Variants in ZHX3 observed in about 807,000 individuals in gnomAD.
ZHX3 encodes the protein zinc fingers and homeoboxes 3.
In ZHX3, 20 loss-of-function variants were observed where a neutral mutation model predicts 64.5. The observed-to-expected ratio is 0.31, with a 90% confidence interval of 0.22 to 0.45. The LOEUF (loss-of-function observed/expected upper bound fraction) is 0.45, where lower values mean the gene tolerates loss of function less well. ZHX3 is among the 20% of genes least tolerant of loss of function. The probability of loss-of-function intolerance (pLI) is 1.00; values close to 1 mark genes in which losing one functional copy is unlikely to be tolerated. For synonymous variants in ZHX3, 423 were observed against 461.6 expected (o/e 0.92, Z 1.07); for missense variants, 1,041 against 1,195.8 (o/e 0.87, Z 1.91).
At chr20:41,299,336 T>G (rs2044698472) in intron 1 of ZHX3, among the ~76,000 whole-genome samples, 13 of 152,170 alleles carry the variant, frequency 8.5e-5, no homozygotes, top group Admixed American at 8.5e-4. Flanking sequence ...TGATTTTGAG[T>G]AATTATGCTA....
At position 41,228,038 on chromosome 20, in the gene ZHX3, C is replaced by A. The variant is rs943562899; in HGVS notation, c.-150-22972G>T. Among the ~76,000 whole-genome samples the A allele has an allele frequency of 4.6e-5, 7 of 152,126 alleles. No individual in the cohort carries two copies. The highest frequency in any genetic ancestry group is 1.7e-4 in the African/African-American group (7 of 41,424). ...TCTCCTTCTGCCCAAACCACTTGCACCAAGGTCATCAGTCAAGTGGCTCTT... is the reference window on the plus strand; with the variant it reads ...TCTCCTTCTGCCCAAACCACTTGCAACAAGGTCATCAGTCAAGTGGCTCTT... On this transcript the variant is annotated intron_variant, in intron 2 of 3. Coordinates refer to ENST00000683867, the MANE Select transcript of ZHX3 (RefSeq NM_001384317.1). The surrounding 1 kb of genome is among the most constrained non-coding windows in gnomAD (Gnocchi z 4.6).
chr20:41,298,018 G>A (rs192996407), intron 1 of ZHX3, among the ~76,000 whole-genome samples: 71 of 152,200 alleles, frequency 4.7e-4, no homozygotes, highest in African/African-American at 1.1e-3. Context: ...GTCAGCACCC[G>A]CCATGTGCAG....
At chr20:41,186,323 T>C (rs191459069) in intron 3 of ZHX3, among the ~76,000 whole-genome samples, 40 of 152,356 alleles carry the variant, frequency 2.6e-4, no homozygotes, top group Admixed American at 4.6e-4. Flanking sequence ...TGTTGTAGGA[T>C]ATATCAGAAT....
At position 41,200,040 on chromosome 20, in the gene ZHX3, C is replaced by G. The variant is rs565545775; in HGVS notation, c.2860+2017G>C. 6.6e-6 allele frequency among the ~76,000 whole-genome samples: 1 copy of G among 152,110 alleles called. No individual in the cohort carries two copies. The highest frequency in any genetic ancestry group is 2.4e-5 in the African/African-American group (1 of 41,408). ...TGGAGGACAAAGTTGTTATTGCCTA[C>G]CCTGGCACCAACAGTCTGCACCAGG... On this transcript the variant is annotated intron_variant, in intron 3 of 3. Transcript: ENST00000683867. The surrounding 1 kb of genome is among the most constrained non-coding windows in gnomAD (Gnocchi z 4.2).
chr20:41,216,070 T>C (rs1032155869), intron 2 of ZHX3, among the ~76,000 whole-genome samples: 1 of 152,118 alleles, frequency 6.6e-6, no homozygotes, highest in Non-Finnish European at 1.5e-5. Flanking sequence ...ATGTAAAGAA[T>C]GTGACTACTA....
At chr20:41,288,129 C>T (rs967998169) in intron 1 of ZHX3, among the ~76,000 whole-genome samples, 4 of 152,174 alleles carry the variant, frequency 2.6e-5, no homozygotes, top group Admixed American at 6.5e-5. Context: ...TGGGCTCAAG[C>T]GATCCTCCCC....
intron 1 of ZHX3, chr20:41,269,304 A>G (rs2043011721): frequency 6.6e-6 from 1 of 152,234 alleles, no homozygotes; most frequent in African/African-American, 2.4e-5. Flanking sequence ...ATGGTCTCTG[A>G]TAACAGATCA....
intron 1 of ZHX3, among the ~76,000 whole-genome samples, chr20:41,276,985 T>A (rs1468657998): frequency 1.3e-5 from 2 of 152,118 alleles, no homozygotes; most frequent in African/African-American, 4.8e-5. Flanking sequence ...GTGAGCAAGA[T>A]AAGTTAGATA....
rs547559777 is a variant in ZHX3 at position 41,311,797 on chromosome 20, G to A, written c.-245+5712C>T. Among the ~76,000 whole-genome samples the A allele has an allele frequency of 9.2e-5, 14 of 152,302 alleles. No homozygotes were observed. The South Asian group carries it at 1.2e-3, about 14-fold the overall frequency. ...CATCATCACCATACTGGGTTCTCCCGAAGATTTAGAGATAATGTGTGAACA... is the reference window on the plus strand; with the variant it reads ...CATCATCACCATACTGGGTTCTCCCAAAGATTTAGAGATAATGTGTGAACA... On this transcript the variant is annotated intron_variant, in intron 1 of 3. Transcript: ENST00000683867.
At chr20:41,269,913 G>A (rs1221493186) in intron 1 of ZHX3, among the ~76,000 whole-genome samples, 1 of 151,188 alleles carries the variant, frequency 6.6e-6, no homozygotes, top group Non-Finnish European at 1.5e-5. Context: ...CACCCAAGTG[G>A]CTTAACTTCT....
In ZHX3 at chr20:41,204,557, G is replaced by A. The variant is rs1484272869; in HGVS notation, c.360C>T (p.Thr120=). The change falls in exon 3 of 4, where the codon ACC becomes ACT. Residue 120 remains threonine (T), a synonymous_variant. Transcript: ENST00000683867. The surrounding 1 kb of genome is among the most constrained non-coding windows in gnomAD (Gnocchi z 6.6). ...VCSGCSFLAK[T]PEGLSLHNAT... ...CATTGTGCAAGGAAAGCCCCTCAGG[G>A]GTTTTTGCCAGAAAACTGCACCCAC... is the stretch of plus-strand genomic sequence containing the variant. The A allele has an allele frequency of 1.9e-6, 3 of 1,614,166 alleles. No individual in the cohort carries two copies. Among genetic ancestry groups the A allele is most frequent in the Admixed American group, 1.7e-5 (1 of 60,020 alleles).
chr20:41,307,396 C>T (rs1302915699), intron 1 of ZHX3, among the ~76,000 whole-genome samples: 1 of 152,078 alleles, frequency 6.6e-6, no homozygotes, highest in Non-Finnish European at 1.5e-5. Flanking sequence ...CTCTATTTTC[C>T]CTCCATTTTA....
At chr20:41,301,063 G>T (rs1322291155) in intron 1 of ZHX3, among the ~76,000 whole-genome samples, 1 of 152,168 alleles carries the variant, frequency 6.6e-6, no homozygotes, top group East Asian at 1.9e-4. Flanking sequence ...GAGTACAGAG[G>T]GTTAAATTGC....
At chr20:41,316,844 G>A (rs1387073234) in intron 1 of ZHX3, 2 of 152,292 alleles carry the variant, frequency 1.3e-5, no homozygotes, top group Non-Finnish European at 2.9e-5. Flanking sequence ...GGCTTAACAA[G>A]CTCCAAACTC....
intron 2 of ZHX3, among the ~76,000 whole-genome samples, chr20:41,244,199 C>G (rs2041555486): frequency 1.3e-5 from 2 of 152,072 alleles, no homozygotes; most frequent in Admixed American, 1.3e-4. Context: ...ACAGTTATCC[C>G]TAGTTGAGAA....
At chr20:41,209,157 G>A (rs866462564) in intron 2 of ZHX3, among the ~76,000 whole-genome samples, 49 of 152,234 alleles carry the variant, frequency 3.2e-4, no homozygotes, top group African/African-American at 1.2e-3. Flanking sequence ...CCTCTTCAAG[G>A]AGAACTACAA....
intron 2 of ZHX3, among the ~76,000 whole-genome samples, chr20:41,247,133 G>A (rs911369503): frequency 3.9e-5 from 6 of 151,954 alleles, no homozygotes; most frequent in East Asian, 1.9e-4. Flanking sequence ...TGTGGCGTGC[G>A]CCTCATGCCT....
intron 1 of ZHX3, among the ~76,000 whole-genome samples, chr20:41,270,741 A>C (rs1375393930): frequency 1.3e-5 from 2 of 151,956 alleles, no homozygotes; most frequent in African/African-American, 4.8e-5. Flanking sequence ...CTGGGCAAAT[A>C]TAACTGTGCA....
intron 1 of ZHX3, among the ~76,000 whole-genome samples, chr20:41,283,717 A>C (rs1448462494): frequency 6.6e-6 from 1 of 151,842 alleles, no homozygotes; most frequent in East Asian, 1.9e-4. Context: ...AGATCGCACC[A>C]CTGCACTCCA....
Sources: gnomAD v4.1 joint callset for allele counts (sites outside exome capture counted in the v4.1 genomes callset) on GRCh38, gnomAD v4.1.1 for gene constraint, Gnocchi (gnomAD v3.1) non-coding constraint, MANE v1.5 for transcripts, NCBI Gene and HGNC (gene_info 2026-07-23, HGNC 2026-07-21) for gene names.